The following RFC2 variants were observed in gnomAD, a reference collection of about 807,000 sequenced individuals.
RFC2 encodes the protein replication factor C subunit 2.
A neutral mutation model predicts 44.8 loss-of-function variants in RFC2; 34 were observed. That is an observed-to-expected ratio of 0.76 (90% CI 0.58 to 1.01). The LOEUF (loss-of-function observed/expected upper bound fraction) is 1.01. RFC2 is among the 50% of genes least tolerant of loss of function. RFC2 has a pLI of 0.00. For missense variants in RFC2, 400 were observed against 453.6 expected (o/e 0.88, Z 1.07); for synonymous variants, 177 against 168.9 (o/e 1.05, Z -0.37).
At chr7:74,248,266 G>C (rs1480593338) in intron 4 of RFC2, among the ~76,000 whole-genome samples, 1 of 151,852 alleles carries the variant, frequency 6.6e-6, no homozygotes, top group African/African-American at 2.4e-5. Flanking sequence ...CACTTTGGGA[G>C]GCTGATGCAA....
Position 74,246,656 on chromosome 7 carries a change from C to G in RFC2, c.434+6G>C. 6.3e-7 allele frequency: 1 copy of G among 1,580,892 alleles called. No homozygotes were observed. The highest frequency in any genetic ancestry group is 1.1e-5 in the South Asian group (1 of 89,234). The stretch of plus-strand genomic sequence containing the variant: ...AGGTCAAAATACATTTGGCAAAGCA[C>G]TCTACCTGTCTGCTTCATCCAGAAT... On this transcript the variant is annotated splice_donor_region_variant and intron_variant, in intron 5 of 10. Transcript: ENST00000055077.
chr7:74,244,898 G>T (rs1803514885), intron 5 of RFC2, among the ~76,000 whole-genome samples: 1 of 151,894 alleles, frequency 6.6e-6, no homozygotes, highest in Admixed American at 6.6e-5. Flanking sequence ...AGGAGTTCAA[G>T]GTTGCAGTGA....
chr7:74,250,845 A>G (rs999472064), intron 2 of RFC2, among the ~76,000 whole-genome samples: 1 of 151,974 alleles, frequency 6.6e-6, no homozygotes, highest in Non-Finnish European at 1.5e-5. Flanking sequence ...CTGGAGTACA[A>G]TGGCACAATC....
chr7:74,248,454 A>T (rs1803746243), intron 4 of RFC2, among the ~76,000 whole-genome samples: 1 of 151,962 alleles, frequency 6.6e-6, no homozygotes. Flanking sequence ...ACATAGTGAG[A>T]TCCCATCTCT....
intron 4 of RFC2, among the ~76,000 whole-genome samples, chr7:74,247,526 G>C (rs1294032161): frequency 1.3e-5 from 2 of 152,178 alleles, no homozygotes; most frequent in African/African-American, 2.4e-5. Flanking sequence ...TGTAGTCCCG[G>C]CTACTTGGGA....
intron 10 of RFC2, among the ~76,000 whole-genome samples, chr7:74,232,516 A>T (rs1479058749): frequency 6.6e-6 from 1 of 152,144 alleles, no homozygotes; most frequent in East Asian, 1.9e-4. Context: ...CTAGAGGAAA[A>T]TATTTATATA....
chr7:74,248,504 G>GT (rs1803750268), intron 4 of RFC2, among the ~76,000 whole-genome samples: 1 of 148,564 alleles, frequency 6.7e-6, no homozygotes, highest in African/African-American at 2.6e-5. Flanking sequence ...AAAACTAGTT[G>GT]GTTTTTTTTT....
At chr7:74,249,867 G>A (rs1473545741) in intron 2 of RFC2, 87 bp from the exon 3 acceptor site, 8 of 1,182,970 alleles carry the variant, frequency 6.8e-6, no homozygotes, top group African/African-American at 6.1e-5. Context: ...AAACAAGCAG[G>A]TTAAAACTCG....
Position 74,238,971 on chromosome 7 carries a change from C to T in RFC2, c.711G>A (p.Gln237=). 6.2e-7 allele frequency: 1 copy of T among 1,614,032 alleles called. No individual in the cohort carries two copies. Among genetic ancestry groups the T allele is most frequent in the South Asian group, 1.1e-5 (1 of 91,082 alleles). ...TGAAGCCAAATCCTGAGAAGGTGGA[C>T]TGCAGGTTGTTCAGCGCCTGTTCAG... ...GDMRQALNNL[Q]STFSGFGFIN... The change falls in exon 8 of 11, where the codon CAG becomes CAA. Residue 237 remains glutamine, a synonymous_variant. Coordinates refer to ENST00000055077, the MANE Select transcript of RFC2 (RefSeq NM_181471.3). The surrounding 1 kb of genome is among the most constrained non-coding windows in gnomAD (Gnocchi z 4.0).
chr7:74,247,927 G>C (rs1006896346), intron 4 of RFC2, among the ~76,000 whole-genome samples: 2 of 152,002 alleles, frequency 1.3e-5, no homozygotes, highest in African/African-American at 4.8e-5. Flanking sequence ...TATAGTATTT[G>C]CATATTAACT....
chr7:74,237,465 C>G, intron 8 of RFC2, 23 bp from the exon 9 acceptor site: 1 of 1,515,458 alleles, frequency 6.6e-7, no homozygotes, highest in South Asian at 1.2e-5. Flanking sequence ...AAAGGAAAGG[C>G]GGTCAGGGGC....
At chr7:74,240,208 T>C (rs998738292) in intron 6 of RFC2, 113 bp from the exon 7 acceptor site, 41 of 931,314 alleles carry the variant, frequency 4.4e-5, no homozygotes, top group South Asian at 1.5e-4. Context: ...AGGCACTCAA[T>C]AGAGACTTGG....
At chr7:74,239,457 G>A (rs3135682) in intron 7 of RFC2, among the ~76,000 whole-genome samples, 5,767 of 151,960 alleles carry the variant, frequency 0.038, 362 homozygotes, top group African/African-American at 0.13. Context: ...TCAGCCTCAC[G>A]AGTAGCTGAG....
intron 7 of RFC2, 118 bp downstream of exon 7, chr7:74,239,820 A>T: frequency 1.0e-6 from 1 of 973,734 alleles, no homozygotes; most frequent in Non-Finnish European, 1.5e-6. Flanking sequence ...GGAGGGTGCC[A>T]GGTCTCTGTC....
Position 74,231,941 on chromosome 7 carries a change from A to T in RFC2, c.*165T>A, listed in dbSNP as rs1401068779. On this transcript the variant is annotated 3_prime_UTR_variant, in exon 11 of 11. Transcript: ENST00000055077. ...GTGATCCACCTGCCTCGGCCTCCCA[A>T]AGTGTTGGGATTACAGGCGTGAGCT... 1.8e-6 allele frequency: 1 copy of T among 551,514 alleles called. No individual in the cohort carries two copies. Among genetic ancestry groups the T allele is most frequent in the South Asian group, 2.4e-5 (1 of 41,268 alleles). The allele number at this position is 551,514 out of a possible 1,614,324, so 34.2% of individuals were successfully genotyped here. A position where few individuals can be genotyped will look rare whatever the true frequency, so the allele number is the denominator to read the frequency against.
intron 9 of RFC2, among the ~76,000 whole-genome samples, chr7:74,235,976 G>A (rs185390481): frequency 2.0e-5 from 3 of 152,300 alleles, no homozygotes; most frequent in East Asian, 1.9e-4. Context: ...AATGTGTTAA[G>A]CTGTGTTGCA....
At chr7:74,236,769 C>A (rs1002064537) in intron 9 of RFC2, among the ~76,000 whole-genome samples, 14 of 152,128 alleles carry the variant, frequency 9.2e-5, no homozygotes, top group Non-Finnish European at 1.3e-4. Context: ...GAGAAAAACA[C>A]CATTTTGAAT....
chr7:74,244,724 T>C (rs372418418), intron 5 of RFC2, among the ~76,000 whole-genome samples: 15 of 151,162 alleles, frequency 9.9e-5, no homozygotes, highest in Admixed American at 3.9e-4. Flanking sequence ...TCCTAGCACT[T>C]TGGGAGGCCG....
chr7:74,243,008 C>A, intron 6 of RFC2, 138 bp downstream of exon 6: 1 of 599,826 alleles, frequency 1.7e-6, no homozygotes, highest in Non-Finnish European at 3.0e-6. Context: ...CACTTGAGCA[C>A]AGGAGTTTGA....
Sources: gnomAD v4.1 joint callset for allele counts (sites outside exome capture counted in the v4.1 genomes callset) on GRCh38, gnomAD v4.1.1 for gene constraint, Gnocchi (gnomAD v3.1) non-coding constraint, MANE v1.5 for transcripts, NCBI Gene and HGNC (gene_info 2026-07-23, HGNC 2026-07-21) for gene names.